Variants in CCNB1IP1 observed in about 807,000 individuals in gnomAD.
The protein encoded by CCNB1IP1 is cyclin B1 interacting protein 1.
A neutral mutation model predicts 25.6 loss-of-function variants in CCNB1IP1; 14 were observed. That is an observed-to-expected ratio of 0.55 (90% CI 0.36 to 0.85). The LOEUF (loss-of-function observed/expected upper bound fraction) is 0.85. Ranked by LOEUF, CCNB1IP1 falls within the 40% of genes least tolerant of loss-of-function variation. The pLI is 0.01. For missense variants in CCNB1IP1, 278 were observed against 342.4 expected (o/e 0.81, Z 1.48); for synonymous variants, 119 against 116.1 (o/e 1.02, Z -0.16).
intron 5 of CCNB1IP1, among the ~76,000 whole-genome samples, chr14:20,314,948 G>A (rs61995510): frequency 1.3e-5 from 2 of 150,448 alleles, no homozygotes; most frequent in African/African-American, 2.4e-5. Context: ...AAAATTAGCC[G>A]GGCGTGGTGG....
chr14:20,311,848 AT>A (rs1188156013), intron 6 of CCNB1IP1, 96 bp from the exon 7 acceptor site: 1 of 632,874 alleles, frequency 1.6e-6, no homozygotes, highest in Admixed American at 3.7e-5. Context: ...ATGAATATAT[AT>A]TTTTTCTCCA....
At chr14:20,332,611 G>A (rs28403975) in intron 1 of CCNB1IP1, among the ~76,000 whole-genome samples, 153 of 152,262 alleles carry the variant, frequency 1.0e-3, no homozygotes, top group African/African-American at 3.5e-3. Flanking sequence ...TTTAAATCTA[G>A]AGGCTTGCCC....
At chr14:20,314,228 C>G (rs538658766) in intron 5 of CCNB1IP1, 1 of 155,168 alleles carries the variant, frequency 6.4e-6, no homozygotes, top group Admixed American at 6.4e-5. Context: ...GGACCTGTGA[C>G]TAGAATACTA....
chr14:20,316,690 A>C (rs1218575430), intron 4 of CCNB1IP1, 130 bp from the exon 5 acceptor site: 4 of 577,878 alleles, frequency 6.9e-6, no homozygotes, highest in Non-Finnish European at 1.2e-5. Context: ...TATTTATTAT[A>C]ATTGATATAT....
intron 2 of CCNB1IP1, among the ~76,000 whole-genome samples, chr14:20,327,626 T>C (rs754479829): frequency 2.0e-5 from 3 of 151,434 alleles, no homozygotes; most frequent in Non-Finnish European, 4.4e-5. Context: ...AAATTTTTTG[T>C]ATTTACTTGT....
chr14:20,328,161 A>T (rs538878275), intron 2 of CCNB1IP1, among the ~76,000 whole-genome samples: 87 of 152,310 alleles, frequency 5.7e-4, no homozygotes, highest in Admixed American at 2.9e-3. Flanking sequence ...CCCTATTTAC[A>T]GGAAAATTGA....
intron 5 of CCNB1IP1, among the ~76,000 whole-genome samples, chr14:20,315,007 C>T (rs1164098627): frequency 1.4e-5 from 2 of 145,316 alleles, no homozygotes; most frequent in Non-Finnish European, 1.5e-5. Context: ...AGGAGAATGG[C>T]GTGAACCCGG....
intron 6 of CCNB1IP1, among the ~76,000 whole-genome samples, chr14:20,312,355 C>G (rs1291105291): frequency 6.6e-6 from 1 of 151,552 alleles, no homozygotes; most frequent in East Asian, 1.9e-4. Context: ...TCTGATATTC[C>G]TCATCTCATC....
intron 2 of CCNB1IP1, among the ~76,000 whole-genome samples, chr14:20,327,976 A>T (rs1212310794): frequency 6.6e-6 from 1 of 152,224 alleles, no homozygotes; most frequent in Non-Finnish European, 1.5e-5. Context: ...CTCAATAGCT[A>T]AATTGGCAGT....
intron 4 of CCNB1IP1, among the ~76,000 whole-genome samples, chr14:20,317,121 T>C (rs1882727395): frequency 6.6e-6 from 1 of 151,642 alleles, no homozygotes; most frequent in South Asian, 2.1e-4. Flanking sequence ...AACATGTATA[T>C]ATATAGGCTG....
At chr14:20,326,488 T>C (rs747285040) in intron 3 of CCNB1IP1, 1 of 534,758 alleles carries the variant, frequency 1.9e-6, no homozygotes, top group Admixed American at 1.9e-5. Flanking sequence ...GCTGATCAGC[T>C]GAAACACGGA....
chr14:20,315,957 T>G (rs1409349695), intron 5 of CCNB1IP1: 2 of 467,704 alleles, frequency 4.3e-6, no homozygotes, highest in East Asian at 8.8e-5. Context: ...CTTACTTTTA[T>G]ACAGAAGAGA....
intron 2 of CCNB1IP1, among the ~76,000 whole-genome samples, chr14:20,328,681 CACAA>C (rs758223077): frequency 7.9e-5 from 12 of 152,156 alleles, no homozygotes; most frequent in Admixed American, 2.6e-4. Context: ...AATCTCAACT[CACAA>C]ACAAAACCCA....
chr14:20,317,828 G>A (rs896647479), intron 4 of CCNB1IP1: 1 of 152,256 alleles, frequency 6.6e-6, no homozygotes, highest in African/African-American at 2.4e-5. Flanking sequence ...GAAAAACTCC[G>A]TTGCCTCCAC....
At chr14:20,318,717 C>A (rs1222192891) in intron 4 of CCNB1IP1, among the ~76,000 whole-genome samples, 4 of 152,076 alleles carry the variant, frequency 2.6e-5, no homozygotes, top group Non-Finnish European at 5.9e-5. Flanking sequence ...TAAAAATTAA[C>A]CTGAAGAGGA....
intron 5 of CCNB1IP1, chr14:20,315,597 G>A (rs1882664977): frequency 7.8e-7 from 1 of 1,286,480 alleles, no homozygotes; most frequent in East Asian, 5.6e-5. Flanking sequence ...GTCATCCACA[G>A]GGAGGTCTTT....
At chr14:20,324,480 CAGGCCAAAACAA>C (rs1458112219) in intron 4 of CCNB1IP1, among the ~76,000 whole-genome samples, 1 of 152,166 alleles carries the variant, frequency 6.6e-6, no homozygotes, top group Non-Finnish European at 1.5e-5. Context: ...GCCACCACGT[CAGGCCAAAACAA>C]AGAATTTTCG....
At chr14:20,323,753 A>G (rs1243647819) in intron 4 of CCNB1IP1, among the ~76,000 whole-genome samples, 1 of 151,878 alleles carries the variant, frequency 6.6e-6, no homozygotes, top group Non-Finnish European at 1.5e-5. Flanking sequence ...CGTCTCTACT[A>G]AAAATACAAA....
At chr14:20,332,027 T>TATATATATATA (rs1555314508) in intron 1 of CCNB1IP1, among the ~76,000 whole-genome samples, 87 of 33,572 alleles carry the variant, frequency 2.6e-3, no homozygotes, top group African/African-American at 8.2e-3. Context: ...TATATATATA[T>TATATATATATA]TTTTTTTTTT....
Sources: gnomAD v4.1 joint callset for allele counts (sites outside exome capture counted in the v4.1 genomes callset) on GRCh38, gnomAD v4.1.1 for gene constraint, MANE v1.5 for transcripts, NCBI Gene and HGNC (gene_info 2026-07-23, HGNC 2026-07-21) for gene names.